GCSAML: variants seen among roughly 807,000 people sequenced by gnomAD.
GCSAML encodes the protein germinal center-associated signaling and motility-like protein.
A neutral mutation model predicts 13.0 loss-of-function variants in GCSAML; 9 were observed. The observed-to-expected ratio is 0.69, with a 90% CI of 0.42 to 1.21. GCSAML has a LOEUF of 1.21. Among genes scored for constraint, GCSAML ranks in the 50% most tolerant of loss-of-function variants. The probability of loss-of-function intolerance (pLI) is 0.00; values close to 1 mark genes in which losing one functional copy is unlikely to be tolerated. For missense variants in GCSAML, 143 were observed against 153.4 expected, an observed-to-expected ratio of 0.93 and a Z score of 0.36; for synonymous variants, 37 against 52.9, an observed-to-expected ratio of 0.70 and a Z score of 1.31.
At chr1:247,515,970 AG>A (rs1558233258) in intron 1 of GCSAML, among the ~76,000 whole-genome samples, 2 of 152,182 alleles carry the variant, frequency 1.3e-5, no homozygotes, top group South Asian at 4.1e-4. Context: ...CTGTTGGTTG[AG>A]GGGGGAGGAG....
chr1:247,531,873 C>T lies in GCSAML; in HGVS notation c.-148+4819C>T, dbSNP rs763096579. Reference sequence around the variant, plus strand: ...TGTGGCCGTAAGAGACCAGGATGAGCCCCAGAGGCAGGACAACAAAGACAA... The same window carrying T: ...TGTGGCCGTAAGAGACCAGGATGAGTCCCAGAGGCAGGACAACAAAGACAA... On this transcript the variant is annotated intron_variant, in intron 2 of 5. Coordinates refer to the GCSAML transcript ENST00000366489. The T allele has an allele frequency of 3.7e-6, 6 of 1,614,086 alleles. No individual in the cohort carries two copies. In the African/African-American group the frequency reaches 6.7e-5, roughly 18 times the overall value.
chr1:247,513,355 T>C (rs1206423001), intron 1 of GCSAML, among the ~76,000 whole-genome samples: 1 of 152,074 alleles, frequency 6.6e-6, no homozygotes, highest in African/African-American at 2.4e-5. Context: ...CGGACACCCC[T>C]CCCCACCAAG....
At chr1:247,512,471 A>AG (rs1427488773) in intron 1 of GCSAML, among the ~76,000 whole-genome samples, 1 of 151,932 alleles carries the variant, frequency 6.6e-6, no homozygotes, top group African/African-American at 2.4e-5. Context: ...TTTAGCTCAG[A>AG]GGAGTTTGTT....
rs373616655 is a variant in GCSAML at position 247,520,519 on chromosome 1, C to T, written c.-262-6421C>T. The stretch of plus-strand genomic sequence containing the variant: ...GCCAGTTTCTTCAGATAAGTACCCC[C>T]ACCTCTTCACACACACACACACACA... On this transcript the variant is annotated intron_variant, in intron 1 of 5. Coordinates refer to the GCSAML transcript ENST00000366489. Among the ~76,000 whole-genome samples, 254 of 110,164 alleles carry T rather than the reference C, an allele frequency of 2.3e-3. 1 individual carries two copies. The highest frequency in any genetic ancestry group is 8.0e-3 in the African/African-American group (242 of 30,376). 72.3% of individuals were successfully genotyped at this position (110,164 alleles called of 152,430 possible).
Position 247,526,659 on chromosome 1 carries a change from A to T in GCSAML, c.-262-281A>T. On this transcript the variant is annotated intron_variant, in intron 1 of 5. Transcript: ENST00000366489. The surrounding 1 kb of genome is among the most constrained non-coding windows in gnomAD (Gnocchi z 4.8). Reference sequence around the variant, plus strand: ...CTCACAGTGTGCAGCATGGGAGGAAACCCATACATGAAGTAGAGGGTTCAC... The same window carrying T: ...CTCACAGTGTGCAGCATGGGAGGAATCCCATACATGAAGTAGAGGGTTCAC... 1 of 321,590 alleles carries T rather than the reference A, an allele frequency of 3.1e-6. No individual in the cohort carries two copies. Among genetic ancestry groups the T allele is most frequent in the Non-Finnish European group, 6.0e-6 (1 of 165,970 alleles). 19.9% of individuals were successfully genotyped at this position (321,590 alleles called of 1,614,324 possible). A position where few individuals can be genotyped will look rare whatever the true frequency, so the allele number is the denominator to read the frequency against.
At chr1:247,552,880 C>T (rs934443960) in intron 1 of GCSAML, among the ~76,000 whole-genome samples, 1 of 152,110 alleles carries the variant, frequency 6.6e-6, no homozygotes, top group African/African-American at 2.4e-5. Flanking sequence ...CTCAGCCTAC[C>T]GAGTAGCTGG....
intron 3 of GCSAML, among the ~76,000 whole-genome samples, chr1:247,564,805 G>A (rs942610067): frequency 1.7e-4 from 26 of 152,130 alleles, no homozygotes; most frequent in Non-Finnish European, 3.2e-4. Context: ...GGGTTAACTG[G>A]CTAGCCATAT....
At chr1:247,550,549 A>G (rs920572191) in intron 1 of GCSAML, among the ~76,000 whole-genome samples, 9 of 152,122 alleles carry the variant, frequency 5.9e-5, no homozygotes, top group Non-Finnish European at 1.0e-4. Flanking sequence ...GGGCAGGAGA[A>G]TGGCGTGAAC....
In GCSAML at chr1:247,574,345, C is replaced by A; in HGVS notation, c.371C>A (p.Thr124Asn). 1.2e-6 allele frequency: 2 copies of A among 1,614,086 alleles called. No individual in the cohort carries two copies. Among genetic ancestry groups the A allele is most frequent in the Non-Finnish European group, 1.7e-6 (2 of 1,179,978 alleles). Reference protein sequence around the residue: ...RTSVSRPCSCTHEHDYEVVFP... With the variant: ...RTSVSRPCSCNHEHDYEVVFP... ...TCTGTTAGTAGGCCTTGTTCCTGCA[C>A]CCATGAGCATGATTATGAAGTTGTG... is the stretch of plus-strand genomic sequence containing the variant. Residue 124 changes from threonine to asparagine, a missense_variant, in exon 5 of 5, where the codon ACC becomes AAC. Coordinates refer to ENST00000366488, the MANE Select transcript of GCSAML (RefSeq NM_145278.5).
At chr1:247,546,405 C>T (rs959672797), upstream of GCSAML, among the ~76,000 whole-genome samples, 11 of 152,126 alleles carry the variant, frequency 7.2e-5, no homozygotes, top group African/African-American at 2.4e-4. Flanking sequence ...GTCACCCAGG[C>T]TGGAGTGCAG....
At chr1:247,558,755 AATATTTT>A (rs1181139151) in intron 2 of GCSAML, among the ~76,000 whole-genome samples, 1 of 152,174 alleles carries the variant, frequency 6.6e-6, no homozygotes, top group Non-Finnish European at 1.5e-5. Flanking sequence ...CCCTCTAAAT[AATATTTT>A]ACCTGTATCC....
intron 2 of GCSAML, 102 bp downstream of exon 2, chr1:247,556,568 G>T: frequency 1.3e-6 from 1 of 752,784 alleles, no homozygotes; most frequent in Non-Finnish European, 2.2e-6. Context: ...ACACCCCTTA[G>T]GGCCGCTATA....
upstream of GCSAML, among the ~76,000 whole-genome samples, chr1:247,546,893 C>T (rs1413099633): frequency 6.7e-6 from 1 of 149,956 alleles, no homozygotes; most frequent in Admixed American, 6.6e-5. Flanking sequence ...AGTTTGAGAC[C>T]AGCCTGGGCA....
At chr1:247,563,794 A>T (rs748561925) in intron 3 of GCSAML, among the ~76,000 whole-genome samples, 155 bp downstream of exon 3, 2 of 152,218 alleles carry the variant, frequency 1.3e-5, no homozygotes, top group African/African-American at 2.4e-5. Flanking sequence ...CATTCTTGGT[A>T]TTAAAGTAAT....
intron 2 of GCSAML, chr1:247,529,656 C>T (rs183728548): frequency 2.7e-5 from 4 of 149,860 alleles, no homozygotes; most frequent in Middle Eastern, 3.5e-3. Flanking sequence ...TACATATCAA[C>T]TTGGTTGGAC....
intron 1 of GCSAML, among the ~76,000 whole-genome samples, chr1:247,555,182 A>AT (rs1667908378): frequency 1.3e-5 from 2 of 152,202 alleles, no homozygotes; most frequent in African/African-American, 4.8e-5. Context: ...ACTTTAAAAT[A>AT]CAAACATCCT....
At chr1:247,508,002 T>C (rs1170259082) in intron 1 of GCSAML, among the ~76,000 whole-genome samples, 1 of 152,368 alleles carries the variant, frequency 6.6e-6, no homozygotes, top group African/African-American at 2.4e-5. Context: ...TATAGTAGCA[T>C]GATTTATAAT....
chr1:247,543,524 T>C (rs1047164316), intron 2 of GCSAML, among the ~76,000 whole-genome samples: 1 of 152,084 alleles, frequency 6.6e-6, no homozygotes, highest in Non-Finnish European at 1.5e-5. Context: ...GTCTTGGAAA[T>C]TATCCCCCAT....
chr1:247,569,679 T>A (rs1448220887), intron 4 of GCSAML, among the ~76,000 whole-genome samples: 1 of 152,190 alleles, frequency 6.6e-6, no homozygotes, highest in African/African-American at 2.4e-5. Context: ...ATTTTTGTTT[T>A]GTCTCTGGCA....
Sources: gnomAD v4.1 joint callset for allele counts (sites outside exome capture counted in the v4.1 genomes callset) on GRCh38, gnomAD v4.1.1 for gene constraint, Gnocchi (gnomAD v3.1) non-coding constraint, MANE v1.5 for transcripts, NCBI Gene and HGNC (gene_info 2026-07-23, HGNC 2026-07-21) for gene names.